The following PDE3B variants were observed in gnomAD, a reference collection of about 807,000 sequenced individuals.
PDE3B encodes phosphodiesterase 3B, also known as cGMP-inhibited 3',5'-cyclic phosphodiesterase 3B.
A neutral mutation model predicts 116.8 loss-of-function variants in PDE3B; 66 were observed. That is an observed-to-expected ratio of 0.56 (90% CI 0.46 to 0.69). The LOEUF is 0.69. Among genes scored for constraint, PDE3B ranks in the 30% least tolerant of loss-of-function variants. The pLI, the probability that PDE3B is intolerant of heterozygous loss-of-function variation, is 0.00. For synonymous variants in PDE3B, 595 were observed against 533.6 expected (o/e 1.12, Z -1.59); for missense variants, 1,384 against 1,368.1 (o/e 1.01, Z -0.18).
At chr11:14,809,237 T>C (rs896160473) in intron 5 of PDE3B, among the ~76,000 whole-genome samples, 22 of 152,210 alleles carry the variant, frequency 1.4e-4, no homozygotes, top group African/African-American at 4.3e-4. Flanking sequence ...CTTCTTGATA[T>C]ATATCCAAGA....
chr11:14,831,896 T>C, intron 9 of PDE3B, 119 bp downstream of exon 9: 1 of 605,860 alleles, frequency 1.7e-6, no homozygotes. Context: ...TGTTCATTAT[T>C]TTTTTCAGAA....
chr11:14,736,187 C>T (rs767832634), intron 1 of PDE3B, among the ~76,000 whole-genome samples: 12 of 151,928 alleles, frequency 7.9e-5, no homozygotes, highest in African/African-American at 1.7e-4. Flanking sequence ...CAGTTGAGGG[C>T]GGCCTGGGAA....
chr11:14,759,385 A>G (rs952726398), intron 1 of PDE3B, among the ~76,000 whole-genome samples: 3 of 152,172 alleles, frequency 2.0e-5, no homozygotes, highest in African/African-American at 4.8e-5. Flanking sequence ...TTTTTAAAGT[A>G]CATTCTTTAT....
At chr11:14,816,098 G>T (rs1859322914) in intron 5 of PDE3B, among the ~76,000 whole-genome samples, 1 of 152,130 alleles carries the variant, frequency 6.6e-6, no homozygotes, top group South Asian at 2.1e-4. Flanking sequence ...GGTTAATGTT[G>T]CAGTCTTGAA....
At chr11:14,820,676 G>C (rs1859490191) in intron 7 of PDE3B, among the ~76,000 whole-genome samples, 1 of 152,056 alleles carries the variant, frequency 6.6e-6, no homozygotes, top group Non-Finnish European at 1.5e-5. Context: ...AGGTAATTAG[G>C]TCATGAAGGT....
At position 14,704,350 on chromosome 11, in the gene PDE3B, A is replaced by G. The variant is rs897345765; in HGVS notation, c.978+59297A>G. On this transcript the variant is annotated intron_variant, in intron 1 of 15. Coordinates refer to ENST00000282096, the MANE Select transcript of PDE3B (RefSeq NM_000922.4). Reference sequence around the variant, plus strand: ...AATGTGCAGCCAGAGGTTAAAGAACATGAAGTTACAAATTGAGCTGTAAAT... The same window carrying G: ...AATGTGCAGCCAGAGGTTAAAGAACGTGAAGTTACAAATTGAGCTGTAAAT... Among the ~76,000 whole-genome samples, 9 of 151,792 alleles carry G rather than the reference A, an allele frequency of 5.9e-5. No individual in the cohort carries two copies. The South Asian group carries it at 1.9e-3, about 31-fold the overall frequency.
chr11:14,891,616 A>C, the PDE3B span: 1 of 1,069,134 alleles, frequency 9.4e-7, no homozygotes, highest in Non-Finnish European at 1.1e-6. Flanking sequence ...CCGACTCGCA[A>C]GACGCCCGCA....
intron 1 of PDE3B, among the ~76,000 whole-genome samples, chr11:14,731,987 A>G (rs941785685): frequency 9.9e-5 from 15 of 152,206 alleles, no homozygotes; most frequent in African/African-American, 3.6e-4. Context: ...GGGTTAGGAA[A>G]GGGGAGTTAT....
At chr11:14,747,648 A>G (rs577896865) in intron 1 of PDE3B, among the ~76,000 whole-genome samples, 13 of 152,298 alleles carry the variant, frequency 8.5e-5, no homozygotes, top group African/African-American at 3.1e-4. Flanking sequence ...ATAATCCCTA[A>G]AAAATCAAGC....
intron 4 of PDE3B, among the ~76,000 whole-genome samples, chr11:14,794,892 G>A (rs906206101): frequency 5.9e-5 from 9 of 152,196 alleles, no homozygotes; most frequent in Admixed American, 5.9e-4. Context: ...GCCAGATGAG[G>A]AGATACAAAG....
chr11:14,700,503 A>G (rs1035790181), intron 1 of PDE3B, among the ~76,000 whole-genome samples: 2 of 151,888 alleles, frequency 1.3e-5, no homozygotes, highest in Non-Finnish European at 3.0e-5. Flanking sequence ...AAATCAAAGT[A>G]TAATGCCATT....
At chr11:14,777,223 CAG>C in intron 2 of PDE3B, among the ~76,000 whole-genome samples, 1 of 152,116 alleles carries the variant, frequency 6.6e-6, no homozygotes. Flanking sequence ...ATAGAGGAAA[CAG>C]AAACAAAATC....
downstream of PDE3B, among the ~76,000 whole-genome samples, chr11:14,874,782 T>G (rs782781547): frequency 1.6e-4 from 24 of 152,190 alleles, no homozygotes; most frequent in Admixed American, 3.3e-4. Context: ...TATCAGAGTA[T>G]AAAACATTTA....
chr11:14,764,377 G>T (rs932008354), intron 1 of PDE3B, among the ~76,000 whole-genome samples: 10 of 152,078 alleles, frequency 6.6e-5, no homozygotes, highest in African/African-American at 2.4e-4. Context: ...TCTCCCTAGG[G>T]TCCAGAGAAG....
At chr11:14,661,346 A>G (rs1305273385) in intron 1 of PDE3B, among the ~76,000 whole-genome samples, 1 of 152,258 alleles carries the variant, frequency 6.6e-6, no homozygotes, top group Non-Finnish European at 1.5e-5. Context: ...CCGAATAGGA[A>G]CAGCTCCGGT....
chr11:14,739,867 GT>G (rs375122742), intron 1 of PDE3B, among the ~76,000 whole-genome samples: 1,928 of 152,198 alleles, frequency 0.013, 26 homozygotes, highest in Non-Finnish European at 0.017. Flanking sequence ...TAATCATGTG[GT>G]TTTTGTCATT....
chr11:14,811,334 T>C (rs1227263252), intron 5 of PDE3B, among the ~76,000 whole-genome samples: 1 of 152,240 alleles, frequency 6.6e-6, no homozygotes, highest in Non-Finnish European at 1.5e-5. Context: ...CCATCTTGAA[T>C]TGATTTTTGT....
chr11:14,726,677 C>G (rs1269940675), intron 1 of PDE3B, among the ~76,000 whole-genome samples: 1 of 152,132 alleles, frequency 6.6e-6, no homozygotes, highest in Admixed American at 6.6e-5. Flanking sequence ...AGGAAATGTT[C>G]TAAGGACACA....
downstream of PDE3B, among the ~76,000 whole-genome samples, chr11:14,875,745 T>A (rs1446124410): frequency 1.3e-5 from 2 of 152,180 alleles, no homozygotes; most frequent in Non-Finnish European, 2.9e-5. Context: ...GAATATGGAA[T>A]GAAATAAGGC....
Sources: gnomAD v4.1 joint callset for allele counts (sites outside exome capture counted in the v4.1 genomes callset) on GRCh38, gnomAD v4.1.1 for gene constraint, MANE v1.5 for transcripts, NCBI Gene and HGNC (gene_info 2026-07-23, HGNC 2026-07-21) for gene names.